Variants in DSG2 observed in about 807,000 individuals in gnomAD.
The protein encoded by DSG2 is desmoglein 2.
DSG2 carries 45 observed loss-of-function variants against 75.6 expected under a neutral mutation model. That is an observed-to-expected ratio of 0.60 (90% CI 0.47 to 0.76). The LOEUF (loss-of-function observed/expected upper bound fraction) is 0.76. Ranked by LOEUF, DSG2 falls within the 30% of genes least tolerant of loss-of-function variation. The probability of loss-of-function intolerance (pLI) is 0.00; values close to 1 mark genes in which losing one functional copy is unlikely to be tolerated. For synonymous variants in DSG2, 429 were observed against 483.9 expected, an observed-to-expected ratio of 0.89 and a Z score of 1.49; for missense variants, 1,267 against 1,357.4, an observed-to-expected ratio of 0.93 and a Z score of 1.05.
intron 8 of DSG2, among the ~76,000 whole-genome samples, chr18:31,527,483 G>A (rs750988425): frequency 6.6e-6 from 1 of 152,146 alleles, no homozygotes; most frequent in Non-Finnish European, 1.5e-5. Context: ...AATAAAATGA[G>A]TATTACAGTG....
rs750688013 is a variant in DSG2 at position 31,522,069 on chromosome 18, A to G, written c.524-14A>G. 6.2e-7 allele frequency: 1 copy of G among 1,612,624 alleles called. No homozygotes were observed. Among genetic ancestry groups the G allele is most frequent in the South Asian group, 1.1e-5 (1 of 90,992 alleles). ...GTTGAATTTCATCTTAGACATCTTT[A>G]TTTCTAATGCCAGATACTCTTGTGA... On this transcript the variant is annotated splice_polypyrimidine_tract_variant and intron_variant, in intron 5 of 14. Transcript: ENST00000261590.
At chr18:31,542,881 G>A (rs768676290) in intron 14 of DSG2, 29 bp downstream of exon 14, 5 of 1,073,348 alleles carry the variant, frequency 4.7e-6, no homozygotes, top group East Asian at 3.4e-5. Flanking sequence ...TATTGGTGGT[G>A]GGGGGTGGGG....
Position 31,536,193 on chromosome 18 carries a change from AT to A in DSG2, c.1424-4del. The A allele has an allele frequency of 6.2e-7, 1 of 1,613,380 alleles. No homozygotes were observed. Among genetic ancestry groups the A allele is most frequent in the South Asian group, 1.1e-5 (1 of 91,050 alleles). ...AGAATGTACATACTTTTTCTCTCTT[AT>A]TTTTAAGATTATCCTAGAAAAACCA... On this transcript the variant is annotated splice_region_variant and splice_polypyrimidine_tract_variant and intron_variant, in intron 10 of 14. Transcript: ENST00000261590.
chr18:31,546,727 A>G lies in DSG2; in HGVS notation c.3341A>G (p.Gln1114Arg). Residue 1114 changes from glutamine (Q) to arginine (R), a missense_variant, in exon 15 of 15, where the codon CAG becomes CGG. Gln to Arg is a conservative substitution (Grantham distance 43). Transcript: ENST00000261590. ...STRVTKHSTVQHSYS is the reference protein window; with the variant it reads ...STRVTKHSTVRHSYS ...AGAGTTACCAAGCATAGCACTGTAC[A>G]GCATTCTTACTCCTAAACAGCAGTC... 1 of 1,614,192 alleles carries G rather than the reference A, an allele frequency of 6.2e-7. No homozygotes were observed. The highest frequency in any genetic ancestry group is 1.3e-5 in the African/African-American group (1 of 75,046).
chr18:31,529,289 C>T (rs1312303243), intron 8 of DSG2, among the ~76,000 whole-genome samples: 1 of 152,156 alleles, frequency 6.6e-6, no homozygotes, highest in Non-Finnish European at 1.5e-5. Flanking sequence ...ATGACTAACA[C>T]TATGAAACAC....
intron 1 of DSG2, among the ~76,000 whole-genome samples, chr18:31,508,876 C>T (rs2073052639): frequency 1.3e-5 from 2 of 152,132 alleles, no homozygotes; most frequent in African/African-American, 4.8e-5. Flanking sequence ...GGCCAAGCAG[C>T]ATCAGCATCC....
chr18:31,535,400 G>T lies in DSG2; in HGVS notation c.1411G>T (p.Ala471Ser). Residue 471 changes from alanine (A) to serine (S), a missense_variant, in exon 10 of 15, where the codon GCC (alanine) becomes TCC (serine). Coordinates refer to ENST00000261590, the MANE Select transcript of DSG2 (RefSeq NM_001943.5). The stretch of plus-strand genomic sequence containing the variant: ...TGGCACATACACTGTAAAGATTGTG[G>T]CCATATCAGAAGGTAAGTTATTAAA... The part of the protein sequence containing the change: ...QNGTYTVKIV[A>S]ISEDYPRKTI... 6.2e-7 allele frequency: 1 copy of T among 1,610,460 alleles called. No individual in the cohort carries two copies. Among genetic ancestry groups the T allele is most frequent in the Non-Finnish European group, 8.5e-7 (1 of 1,177,418 alleles).
intron 1 of DSG2, among the ~76,000 whole-genome samples, chr18:31,517,877 A>T (rs942540739): frequency 3.3e-5 from 5 of 152,112 alleles, no homozygotes; most frequent in African/African-American, 1.2e-4. Context: ...GGTACATTAC[A>T]TACTGGTGGC....
chr18:31,522,037 G>A (rs370746599), intron 5 of DSG2, 46 bp from the exon 6 acceptor site: 2 of 1,566,270 alleles, frequency 1.3e-6, no homozygotes, highest in Admixed American at 1.7e-5. Context: ...AGGTAAATAT[G>A]CTTAAAGTTG....
chr18:31,504,092 C>A (rs1007389758), intron 1 of DSG2, among the ~76,000 whole-genome samples: 3 of 152,188 alleles, frequency 2.0e-5, no homozygotes, highest in African/African-American at 7.2e-5. Context: ...GTCCACTCAA[C>A]AAATATTGAG....
At position 31,546,337 on chromosome 18, in the gene DSG2, C is replaced by T. The variant is rs780327696; in HGVS notation, c.2951C>T (p.Thr984Ile). ...LVDQPYANEGTVVVTERVIQP... is the reference protein window; with the variant it reads ...LVDQPYANEGIVVVTERVIQP... ...GATCAGCCTTATGCTAATGAAGGTA[C>T]AGTTGTGGTCACTGAAAGAGTAATA... The change falls in exon 15 of 15, where the codon ACA becomes ATA. Residue 984 changes from threonine to isoleucine, a missense_variant. Thr to Ile is a moderately conservative substitution (Grantham distance 89). Coordinates refer to ENST00000261590, the MANE Select transcript of DSG2 (RefSeq NM_001943.5). 1.9e-6 allele frequency: 3 copies of T among 1,611,682 alleles called. No individual in the cohort carries two copies. Among genetic ancestry groups the T allele is most frequent in the African/African-American group, 2.7e-5 (2 of 74,984 alleles).
chr18:31,533,340 G>A (rs1481684878), intron 9 of DSG2, among the ~76,000 whole-genome samples: 1 of 152,118 alleles, frequency 6.6e-6, no homozygotes, highest in Admixed American at 6.6e-5. Context: ...GCCAGGCATG[G>A]TGGCACATGT....
rs773298968 is a variant in DSG2 at position 31,535,314 on chromosome 18, C to A, written c.1325C>A (p.Ser442Tyr). Residue 442 changes from serine to tyrosine, a missense_variant, in exon 10 of 15, where the codon TCT (serine) becomes TAT (tyrosine). Transcript: ENST00000261590. ...AGAGATAATTGGATCTCTGTGGATT[C>A]TGTCACATCTGAAATTAAACTTGCA... ...EDRDNWISVDSVTSEIKLAKL... is the reference protein window; with the variant it reads ...EDRDNWISVDYVTSEIKLAKL... 1 of 1,597,670 alleles carries A rather than the reference C, an allele frequency of 6.3e-7. No individual in the cohort carries two copies. The highest frequency in any genetic ancestry group is 2.2e-5 in the East Asian group (1 of 44,694).
intron 1 of DSG2, among the ~76,000 whole-genome samples, chr18:31,506,376 T>C (rs556601740): frequency 6.6e-6 from 1 of 152,258 alleles, no homozygotes; most frequent in East Asian, 1.9e-4. Context: ...ATTTCAGAGA[T>C]ATAATCCTGC....
At chr18:31,542,473 T>C in intron 13 of DSG2, 47 bp from the exon 14 acceptor site, 2 of 1,587,388 alleles carry the variant, frequency 1.3e-6, no homozygotes, top group Non-Finnish European at 8.6e-7. Context: ...GATGAAGGAT[T>C]CCCTCCATCC....
At chr18:31,538,242 T>C (rs942814381) in intron 11 of DSG2, among the ~76,000 whole-genome samples, 39 of 152,278 alleles carry the variant, frequency 2.6e-4, no homozygotes, top group African/African-American at 9.4e-4. Flanking sequence ...TTTTTTTCCA[T>C]TTTGAATGTA....
chr18:31,526,470 CAGAG>C (rs1364250350), intron 8 of DSG2, among the ~76,000 whole-genome samples: 1 of 152,140 alleles, frequency 6.6e-6, no homozygotes, highest in African/African-American at 2.4e-5. Flanking sequence ...TTTTTAAAAG[CAGAG>C]TAAAATTGAG....
chr18:31,511,624 T>TA (rs1415876613), intron 1 of DSG2, among the ~76,000 whole-genome samples: 1 of 152,180 alleles, frequency 6.6e-6, no homozygotes, highest in Non-Finnish European at 1.5e-5. Flanking sequence ...CATAACACCT[T>TA]ACTAAAAGCA....
chr18:31,512,769 C>G (rs2073074217), intron 1 of DSG2, among the ~76,000 whole-genome samples: 1 of 152,184 alleles, frequency 6.6e-6, no homozygotes, highest in East Asian at 1.9e-4. Context: ...GAGAGTTTTC[C>G]CACACTTCCA....
Sources: allele counts gnomAD v4.1 joint callset (sites outside exome capture counted in the v4.1 genomes callset), GRCh38; gene constraint gnomAD v4.1.1; transcripts MANE v1.5; gene names NCBI Gene and HGNC (gene_info 2026-07-23, HGNC 2026-07-21).